The following VWA3B variants were observed in gnomAD, a reference collection of about 807,000 sequenced individuals.
The protein encoded by VWA3B is von Willebrand factor A domain-containing protein 3B.
Under a neutral mutation model 158.3 loss-of-function variants are expected in VWA3B, and 138 were observed. The ratio of observed to expected loss-of-function variants is 0.87; its 90% CI spans 0.76 to 1.00. The LOEUF is 1.00. Ranked by LOEUF, VWA3B falls within the 50% of genes least tolerant of loss-of-function variation. The pLI is 0.00. For missense variants in VWA3B, 1,555 were observed against 1,565.1 expected (o/e 0.99, Z 0.11); for synonymous variants, 596 against 587.3 (o/e 1.01, Z -0.21).
At chr2:98,245,885 C>T (rs1233872597) in intron 19 of VWA3B, among the ~76,000 whole-genome samples, 3 of 152,048 alleles carry the variant, frequency 2.0e-5, no homozygotes, top group African/African-American at 7.3e-5. Context: ...AAAATTTCTA[C>T]AAGCTTCATT....
chr2:98,237,694 A>G (rs1197404440), intron 19 of VWA3B, among the ~76,000 whole-genome samples: 1 of 152,246 alleles, frequency 6.6e-6, no homozygotes, highest in East Asian at 1.9e-4. Context: ...ACGGAACCTC[A>G]GTGCTTCCAG....
intron 19 of VWA3B, among the ~76,000 whole-genome samples, chr2:98,248,702 C>A (rs985123853): frequency 1.3e-5 from 2 of 152,252 alleles, no homozygotes; most frequent in South Asian, 4.1e-4. Context: ...CATCTTTGGA[C>A]ACACAGCTTA....
At chr2:98,278,932 T>C (rs1370755861) in intron 22 of VWA3B, among the ~76,000 whole-genome samples, 2 of 152,138 alleles carry the variant, frequency 1.3e-5, no homozygotes, top group African/African-American at 4.8e-5. Context: ...TGTGCACTGG[T>C]GATGTTACCA....
chr2:98,129,267 A>T (rs1489858989), intron 6 of VWA3B, among the ~76,000 whole-genome samples: 5 of 124,638 alleles, frequency 4.0e-5, no homozygotes, highest in African/African-American at 1.3e-4. Flanking sequence ...GTGGAGAGAG[A>T]GGGAGGAGAG....
chr2:98,287,850 G>C (rs892801114), intron 22 of VWA3B, among the ~76,000 whole-genome samples: 2 of 152,014 alleles, frequency 1.3e-5, no homozygotes, highest in Non-Finnish European at 2.9e-5. Flanking sequence ...CTTCCAATTG[G>C]ATACATTCTA....
At chr2:98,111,146 C>T (rs1056333598) in intron 2 of VWA3B, among the ~76,000 whole-genome samples, 1 of 152,142 alleles carries the variant, frequency 6.6e-6, no homozygotes, top group African/African-American at 2.4e-5. Flanking sequence ...GTCTATTTTT[C>T]TCTGCATGTC....
intron 3 of VWA3B, among the ~76,000 whole-genome samples, chr2:98,116,702 C>T (rs755384442): frequency 3.3e-5 from 5 of 152,104 alleles, no homozygotes; most frequent in Admixed American, 6.6e-5. Flanking sequence ...GACGGGGTCT[C>T]GCCATGTTGC....
intron 3 of VWA3B, among the ~76,000 whole-genome samples, chr2:98,117,971 G>A (rs1295585948): frequency 5.3e-5 from 8 of 151,990 alleles, no homozygotes; most frequent in Admixed American, 2.6e-4. Context: ...TCCTGACCTC[G>A]GGTGATTCAC....
In VWA3B at chr2:98,304,653, T is replaced by C. The variant is rs1181558434; in HGVS notation, c.3521+851T>C. On this transcript the variant is annotated intron_variant, in intron 26 of 27. Transcript: ENST00000477737. Reference sequence around the variant, plus strand: ...TGTCAAAGAATCAGTGTCCTTCCTTTCACCCCAGGCTGATCTGTCCATTGG... The same window carrying C: ...TGTCAAAGAATCAGTGTCCTTCCTTCCACCCCAGGCTGATCTGTCCATTGG... 2.2e-4 allele frequency among the ~76,000 whole-genome samples: 34 copies of C among 152,130 alleles called. 1 individual carries two copies. Among genetic ancestry groups the C allele is most frequent in the Admixed American group, 2.2e-3 (33 of 15,266 alleles).
At chr2:98,131,318 G>C (rs1057162892) in intron 6 of VWA3B, among the ~76,000 whole-genome samples, 1 of 152,154 alleles carries the variant, frequency 6.6e-6, no homozygotes, top group Non-Finnish European at 1.5e-5. Context: ...TATTTATTAA[G>C]TATATACCAC....
Position 98,181,190 on chromosome 2 carries a change from A to G in VWA3B, c.1289A>G (p.Asn430Ser). The change falls in exon 9 of 28, where the codon AAT becomes AGT. Residue 430 changes from asparagine (N) to serine (S), a missense_variant. Transcript: ENST00000477737. ...GTGGATATAAAAGCCAAACCGGAGAATGAGTCCGTGCAGACCAGTGCGGTA... is the reference window on the plus strand; with the variant it reads ...GTGGATATAAAAGCCAAACCGGAGAGTGAGTCCGTGCAGACCAGTGCGGTA... ...GVVDIKAKPE[N>S]ESVQTSAETN... 2 of 1,614,154 alleles carry G rather than the reference A, an allele frequency of 1.2e-6. No individual in the cohort carries two copies. Among genetic ancestry groups the G allele is most frequent in the Non-Finnish European group, 1.7e-6 (2 of 1,179,982 alleles).
chr2:98,162,968 T>C lies in VWA3B; in HGVS notation c.1106T>C (p.Val369Ala). ...CCTCCCAAGCCCGACGTGGCCACTGTGGACTGCGGTTGGTGCTATTTCTGG... is the reference window on the plus strand; with the variant it reads ...CCTCCCAAGCCCGACGTGGCCACTGCGGACTGCGGTTGGTGCTATTTCTGG... ...AEPPKPDVAT[V>A]DCESETTSVE... Residue 369 changes from valine to alanine, a missense_variant, in exon 8 of 28, where the codon GTG becomes GCG. Val to Ala is a moderately conservative substitution (Grantham distance 64, BLOSUM62 0). Transcript: ENST00000477737. 1 of 1,614,098 alleles carries C rather than the reference T, an allele frequency of 6.2e-7. No individual in the cohort carries two copies.
At chr2:98,267,064 C>G (rs1687885999) in intron 21 of VWA3B, among the ~76,000 whole-genome samples, 1 of 151,778 alleles carries the variant, frequency 6.6e-6, no homozygotes, top group Admixed American at 6.6e-5. Flanking sequence ...ATTGCCCTGG[C>G]CAGAACTTCC....
chr2:98,098,912 C>G (rs1682898243), intron 2 of VWA3B, among the ~76,000 whole-genome samples: 1 of 151,982 alleles, frequency 6.6e-6, no homozygotes, highest in South Asian at 2.1e-4. Context: ...CTTACAAAAA[C>G]CATCTTATAG....
At position 98,165,940 on chromosome 2, in the gene VWA3B, TA is replaced by T. The variant is rs1206060741; in HGVS notation, c.1114+2966del. Reference sequence around the variant, plus strand: ...GCAAAGAGAATGGGGAGCCTGCTGCTAAGGCATTTGTTTCGGGGAGTGTGTG... The same window carrying T: ...GCAAAGAGAATGGGGAGCCTGCTGCTAGGCATTTGTTTCGGGGAGTGTGTG... On this transcript the variant is annotated intron_variant, in intron 8 of 27. Coordinates refer to ENST00000477737, the MANE Select transcript of VWA3B (RefSeq NM_144992.5). Among the ~76,000 whole-genome samples, 4 of 152,200 alleles carry T rather than the reference TA, an allele frequency of 2.6e-5. No individual in the cohort carries two copies. The East Asian group carries it at 7.7e-4, about 29-fold the overall frequency.
intron 20 of VWA3B, 81 bp downstream of exon 20, chr2:98,250,517 C>CTTTT (rs370926569): frequency 2.3e-6 from 2 of 875,484 alleles, no homozygotes; most frequent in Non-Finnish European, 3.3e-6. Context: ...TTTAGCTTAG[C>CTTTT]TTTTTTTTTT....
intron 13 of VWA3B, among the ~76,000 whole-genome samples, chr2:98,217,456 C>T (rs1422976046): frequency 1.3e-5 from 2 of 152,208 alleles, no homozygotes; most frequent in Non-Finnish European, 2.9e-5. Context: ...TCTCTTCCTT[C>T]ACTCTCTGTG....
At chr2:98,161,756 G>A (rs949090365) in intron 7 of VWA3B, among the ~76,000 whole-genome samples, 1 of 152,038 alleles carries the variant, frequency 6.6e-6, no homozygotes, top group Non-Finnish European at 1.5e-5. Flanking sequence ...TCCTGAGCTG[G>A]AGTGCAGTGG....
intron 12 of VWA3B, among the ~76,000 whole-genome samples, chr2:98,201,748 T>C (rs918966289): frequency 6.6e-6 from 1 of 152,206 alleles, no homozygotes; most frequent in Non-Finnish European, 1.5e-5. Flanking sequence ...TGTTGAGCTT[T>C]TGATTTTGAT....
Sources: allele counts gnomAD v4.1 joint callset (sites outside exome capture counted in the v4.1 genomes callset), GRCh38; gene constraint gnomAD v4.1.1; transcripts MANE v1.5; gene names NCBI Gene and HGNC (gene_info 2026-07-23, HGNC 2026-07-21).